The following SSBP2 variants were observed in gnomAD, a reference collection of about 807,000 sequenced individuals.
SSBP2 encodes the protein single stranded DNA binding protein 2, also known as single-stranded DNA-binding protein 2.
In SSBP2, 17 loss-of-function variants were observed where a neutral mutation model predicts 61.8. The observed-to-expected ratio is 0.28, with a 90% CI of 0.19 to 0.41. SSBP2 has a LOEUF of 0.41. Among genes scored for constraint, SSBP2 ranks in the 10% least tolerant of loss-of-function variants. SSBP2 has a pLI of 1.00. For missense variants in SSBP2, 310 were observed against 458.7 expected (o/e 0.68, Z 2.96); for synonymous variants, 139 against 141.3 (o/e 0.98, Z 0.12).
At chr5:81,655,432 G>C (rs964550850) in intron 1 of SSBP2, among the ~76,000 whole-genome samples, 1 of 149,714 alleles carries the variant, frequency 6.7e-6, no homozygotes, top group African/African-American at 2.5e-5. Flanking sequence ...AAAAAACATT[G>C]ATTAATGAAA....
intron 5 of SSBP2, among the ~76,000 whole-genome samples, chr5:81,507,866 A>G (rs1293112948): frequency 6.6e-6 from 1 of 152,148 alleles, no homozygotes; most frequent in Non-Finnish European, 1.5e-5. Flanking sequence ...TAATTTTTTA[A>G]ACAAAAGAAT....
intron 1 of SSBP2, among the ~76,000 whole-genome samples, chr5:81,738,808 A>G (rs1756800785): frequency 6.6e-6 from 1 of 152,056 alleles, no homozygotes; most frequent in African/African-American, 2.4e-5. Flanking sequence ...TCCATGCTCC[A>G]TATGATTTCC....
intron 11 of SSBP2, 98 bp downstream of exon 11, chr5:81,448,692 A>G: frequency 8.1e-7 from 1 of 1,228,780 alleles, no homozygotes; most frequent in Non-Finnish European, 1.2e-6. Context: ...TTCTTGGCCA[A>G]TACACAGGGG....
chr5:81,467,206 T>C (rs1242075904), intron 8 of SSBP2, 141 bp from the exon 9 acceptor site: 2 of 524,082 alleles, frequency 3.8e-6, no homozygotes, highest in African/African-American at 3.8e-5. Context: ...TTTTTGCTTC[T>C]ATTTTAGCAA....
chr5:81,605,922 A>T (rs1581150796), intron 4 of SSBP2, among the ~76,000 whole-genome samples: 2 of 152,184 alleles, frequency 1.3e-5, no homozygotes, highest in African/African-American at 4.8e-5. Context: ...CTACTGTTTA[A>T]CAGAATTTAA....
chr5:81,533,083 T>C (rs1770541811), intron 4 of SSBP2, among the ~76,000 whole-genome samples: 1 of 151,980 alleles, frequency 6.6e-6, no homozygotes, highest in Non-Finnish European at 1.5e-5. Flanking sequence ...AGAATATACA[T>C]TCTTTTAATG....
intron 1 of SSBP2, among the ~76,000 whole-genome samples, chr5:81,718,705 C>T (rs1265383740): frequency 6.6e-6 from 1 of 152,050 alleles, no homozygotes; most frequent in Admixed American, 6.6e-5. Context: ...TCAGTTATTC[C>T]CAGGAGTGCC....
intron 6 of SSBP2, among the ~76,000 whole-genome samples, chr5:81,482,369 G>T (rs1010754092): frequency 2.6e-5 from 4 of 152,130 alleles, no homozygotes; most frequent in African/African-American, 9.7e-5. Flanking sequence ...AGCTCTAAAG[G>T]AAGGCATTGA....
chr5:81,559,872 T>C (rs907132980), intron 4 of SSBP2, among the ~76,000 whole-genome samples: 4 of 152,142 alleles, frequency 2.6e-5, no homozygotes, highest in African/African-American at 9.6e-5. Flanking sequence ...GAGTATTACA[T>C]AAGGCATCAG....
intron 5 of SSBP2, among the ~76,000 whole-genome samples, chr5:81,490,867 T>C (rs1219798048): frequency 6.6e-6 from 1 of 152,228 alleles, no homozygotes; most frequent in Non-Finnish European, 1.5e-5. Flanking sequence ...ATTAGTCAGG[T>C]AGTATTGTCA....
At chr5:81,725,521 A>C (rs371705) in intron 1 of SSBP2, among the ~76,000 whole-genome samples, 1 of 151,850 alleles carries the variant, frequency 6.6e-6, no homozygotes, top group African/African-American at 2.4e-5. Context: ...CTGAAAAATC[A>C]AAGTTCTCCC....
At position 81,667,341 on chromosome 5, in the gene SSBP2, A is replaced by C. The variant is rs1026816399; in HGVS notation, c.63-17002T>G. On this transcript the variant is annotated intron_variant, in intron 1 of 16. Coordinates refer to ENST00000320672, the MANE Select transcript of SSBP2 (RefSeq NM_012446.5). ...CACACACACACACACACGCTCCAACAATCCATATAGGGGTTCCTTTACTAG... is the reference window on the plus strand; with the variant it reads ...CACACACACACACACACGCTCCAACCATCCATATAGGGGTTCCTTTACTAG... 7.3e-5 allele frequency among the ~76,000 whole-genome samples: 11 copies of C among 149,860 alleles called. No individual in the cohort carries two copies. In the East Asian group the frequency reaches 2.2e-3, roughly 29 times the overall value.
intron 1 of SSBP2, among the ~76,000 whole-genome samples, chr5:81,693,856 A>G (rs949343607): frequency 6.6e-6 from 1 of 152,248 alleles, no homozygotes; most frequent in Admixed American, 6.5e-5. Flanking sequence ...GAAAATCAGT[A>G]TATTGAAGAG....
At chr5:81,614,370 A>T (rs1159629191) in intron 4 of SSBP2, among the ~76,000 whole-genome samples, 1 of 151,238 alleles carries the variant, frequency 6.6e-6, no homozygotes, top group Non-Finnish European at 1.5e-5. Flanking sequence ...AAAAAAAAAA[A>T]AAAAAAAAAA....
At chr5:81,536,606 A>G (rs1348960791) in intron 4 of SSBP2, among the ~76,000 whole-genome samples, 1 of 152,188 alleles carries the variant, frequency 6.6e-6, no homozygotes, top group Admixed American at 6.5e-5. Context: ...GCTTGCACAT[A>G]GATGTTTACA....
chr5:81,571,854 CAAATG>C, intron 4 of SSBP2, among the ~76,000 whole-genome samples: 1 of 151,988 alleles, frequency 6.6e-6, no homozygotes, highest in Non-Finnish European at 1.5e-5. Flanking sequence ...AGTGATATTA[CAAATG>C]AAAAGTGCCT....
intron 4 of SSBP2, among the ~76,000 whole-genome samples, chr5:81,610,885 T>C (rs954804595): frequency 3.3e-5 from 5 of 152,102 alleles, no homozygotes; most frequent in Admixed American, 1.3e-4. Context: ...TCCCAGCTAC[T>C]TGGGAGGCTA....
At chr5:81,571,676 TG>T (rs1292237188) in intron 4 of SSBP2, among the ~76,000 whole-genome samples, 8 of 152,168 alleles carry the variant, frequency 5.3e-5, no homozygotes, top group Non-Finnish European at 2.9e-5. Context: ...ATGAGGTACA[TG>T]AAAGATTCGC....
chr5:81,614,909 C>T (rs141488825), intron 4 of SSBP2: 4 of 152,598 alleles, frequency 2.6e-5, no homozygotes, highest in Admixed American at 6.5e-5. Context: ...CACTCCACTG[C>T]CGTTCCTTAA....
Sources: allele counts gnomAD v4.1 joint callset (sites outside exome capture counted in the v4.1 genomes callset), GRCh38; gene constraint gnomAD v4.1.1; transcripts MANE v1.5; gene names NCBI Gene and HGNC (gene_info 2026-07-23, HGNC 2026-07-21).